The following ZDHHC20 variants were observed in gnomAD, a reference collection of about 807,000 sequenced individuals.
ZDHHC20 encodes the protein zDHHC palmitoyltransferase 20, also known as palmitoyltransferase ZDHHC20.
ZDHHC20 carries 43 observed loss-of-function variants against 57.8 expected under a neutral mutation model. The observed-to-expected ratio is 0.74, with a 90% CI of 0.58 to 0.96. The LOEUF (loss-of-function observed/expected upper bound fraction) is 0.96, where lower values mean the gene tolerates loss of function less well. Among genes scored for constraint, ZDHHC20 ranks in the 40% least tolerant of loss-of-function variants. The pLI is 0.00. For missense variants in ZDHHC20, 391 were observed against 441.1 expected, an observed-to-expected ratio of 0.89 and a Z score of 1.02; for synonymous variants, 157 against 153.0, an observed-to-expected ratio of 1.03 and a Z score of -0.19.
intron 1 of ZDHHC20, among the ~76,000 whole-genome samples, chr13:21,439,167 G>A (rs77667907): frequency 0.023 from 3,555 of 152,222 alleles, 64 homozygotes; most frequent in Middle Eastern, 0.037. Flanking sequence ...ATCTAATCAT[G>A]AGGAAAGATC....
At chr13:21,403,886 C>T (rs1350942775) in intron 4 of ZDHHC20, among the ~76,000 whole-genome samples, 2 of 152,068 alleles carry the variant, frequency 1.3e-5, no homozygotes, top group African/African-American at 4.8e-5. Context: ...CAGGGTTTCA[C>T]CATATTGGTC....
intron 1 of ZDHHC20, among the ~76,000 whole-genome samples, chr13:21,442,041 TTAGG>T (rs1883228255): frequency 6.6e-6 from 1 of 152,254 alleles, no homozygotes; most frequent in Non-Finnish European, 1.5e-5. Flanking sequence ...TTTGTTTACG[TTAGG>T]TATCATAAAT....
intron 1 of ZDHHC20, among the ~76,000 whole-genome samples, chr13:21,458,460 A>G (rs920702698): frequency 6.6e-6 from 1 of 152,158 alleles, no homozygotes; most frequent in African/African-American, 2.4e-5. Flanking sequence ...GTAGAAATAA[A>G]CGAATTTTAC....
At chr13:21,440,282 T>C (rs1269789177) in intron 1 of ZDHHC20, among the ~76,000 whole-genome samples, 2 of 151,954 alleles carry the variant, frequency 1.3e-5, no homozygotes, top group Non-Finnish European at 2.9e-5. Flanking sequence ...GTACTGTTTT[T>C]CAAAAGTCAA....
intron 4 of ZDHHC20, among the ~76,000 whole-genome samples, chr13:21,405,903 C>T (rs1878371554): frequency 6.6e-6 from 1 of 152,122 alleles, no homozygotes; most frequent in South Asian, 2.1e-4. Context: ...CTTGGGTGCA[C>T]CAGCAGGATC....
Position 21,374,507 on chromosome 13 carries a change from T to C in ZDHHC20, c.*2189A>G. Reference sequence around the variant, plus strand: ...GCCTTGGCCTCCCAAAGTGCTGGGATTACAGGCATGAGCCACCACACCCAG... The same window carrying C: ...GCCTTGGCCTCCCAAAGTGCTGGGACTACAGGCATGAGCCACCACACCCAG... On this transcript the variant is annotated 3_prime_UTR_variant, in exon 13 of 13. Coordinates refer to ENST00000400590, the MANE Select transcript of ZDHHC20 (RefSeq NM_001330059.2). 2.2e-6 allele frequency: 1 copy of C among 447,954 alleles called. No individual in the cohort carries two copies. The highest frequency in any genetic ancestry group is 4.5e-6 in the Non-Finnish European group (1 of 222,338). The allele number at this position is 447,954 out of a possible 1,614,324, so 27.7% of individuals were successfully genotyped here.
intron 3 of ZDHHC20, among the ~76,000 whole-genome samples, chr13:21,417,730 C>T (rs1048477226): frequency 1.4e-4 from 22 of 152,278 alleles, no homozygotes; most frequent in Middle Eastern, 3.4e-3. Context: ...TGAGCCACCA[C>T]GTCTGGCCCT....
chr13:21,400,503 TAAAG>T lies in ZDHHC20; in HGVS notation c.474-14_474-11del, dbSNP rs952692473. The T allele has an allele frequency of 4.6e-6, 7 of 1,531,874 alleles. No homozygotes were observed. The highest frequency in any genetic ancestry group is 2.8e-5 in the African/African-American group (2 of 71,486). 94.9% of individuals were successfully genotyped at this position (1,531,874 alleles called of 1,614,324 possible). The stretch of plus-strand genomic sequence containing the variant: ...CACACAGTTATTCACCCTGGAAAAA[TAAAG>T]AAAGCCACATTATAAAAGTAAGACA... On this transcript the variant is annotated splice_polypyrimidine_tract_variant and intron_variant, in intron 6 of 12. Coordinates refer to ENST00000400590, the MANE Select transcript of ZDHHC20 (RefSeq NM_001330059.2).
intron 7 of ZDHHC20, among the ~76,000 whole-genome samples, chr13:21,393,325 A>T (rs1293698434): frequency 6.6e-6 from 1 of 151,820 alleles, no homozygotes; most frequent in Non-Finnish European, 1.5e-5. Context: ...ACATGGTGAA[A>T]CCCTGTCTCT....
intron 11 of ZDHHC20, among the ~76,000 whole-genome samples, chr13:21,379,551 G>A (rs1220087307): frequency 6.6e-6 from 1 of 152,010 alleles, no homozygotes; most frequent in East Asian, 1.9e-4. Context: ...GGAAGTGCTG[G>A]GATTACAGGT....
chr13:21,380,753 C>T (rs550405570), intron 11 of ZDHHC20, among the ~76,000 whole-genome samples: 143 of 150,778 alleles, frequency 9.5e-4, no homozygotes, highest in African/African-American at 3.3e-3. Flanking sequence ...GATCGTGCCA[C>T]TGCACTCTAG....
At chr13:21,427,705 T>A (rs1232966303) in intron 1 of ZDHHC20, among the ~76,000 whole-genome samples, 1 of 151,876 alleles carries the variant, frequency 6.6e-6, no homozygotes, top group East Asian at 1.9e-4. Context: ...CATGGTGGCA[T>A]GCACCTATAG....
chr13:21,385,114 C>T (rs1445686675), intron 9 of ZDHHC20, among the ~76,000 whole-genome samples: 1 of 151,992 alleles, frequency 6.6e-6, no homozygotes, highest in South Asian at 2.1e-4. Flanking sequence ...AAAAACCAAA[C>T]CAAACTTCCA....
At chr13:21,385,055 A>G (rs917524580) in intron 9 of ZDHHC20, among the ~76,000 whole-genome samples, 4 of 152,192 alleles carry the variant, frequency 2.6e-5, no homozygotes, top group Admixed American at 2.6e-4. Flanking sequence ...TGTACCTGTG[A>G]ATTAAAAGGA....
intron 7 of ZDHHC20, among the ~76,000 whole-genome samples, chr13:21,399,074 G>A (rs2137781793): frequency 6.6e-6 from 1 of 152,298 alleles, no homozygotes; most frequent in East Asian, 1.9e-4. Flanking sequence ...CAGGTGCAGT[G>A]GCTCACACTT....
chr13:21,420,365 AC>A (rs1473073494), intron 3 of ZDHHC20, among the ~76,000 whole-genome samples: 2 of 152,212 alleles, frequency 1.3e-5, no homozygotes, highest in Admixed American at 6.5e-5. Context: ...TCCTACAGAG[AC>A]AGGCACAATT....
chr13:21,405,966 C>T (rs117030620), intron 4 of ZDHHC20, among the ~76,000 whole-genome samples: 241 of 152,224 alleles, frequency 1.6e-3, no homozygotes, highest in South Asian at 7.3e-3. Flanking sequence ...ACATTTGAAA[C>T]GGACTCTGTG....
intron 2 of ZDHHC20, among the ~76,000 whole-genome samples, chr13:21,424,301 C>T (rs1027691881): frequency 7.2e-5 from 11 of 152,080 alleles, no homozygotes; most frequent in Non-Finnish European, 1.6e-4. Flanking sequence ...AAAATTAAAT[C>T]AAAGTTGAAA....
At chr13:21,429,677 A>G (rs1317050132) in intron 1 of ZDHHC20, among the ~76,000 whole-genome samples, 1 of 152,198 alleles carries the variant, frequency 6.6e-6, no homozygotes, top group Non-Finnish European at 1.5e-5. Context: ...TTCTTTGAAT[A>G]CCTTTTCAAC....
Sources: allele counts gnomAD v4.1 joint callset (sites outside exome capture counted in the v4.1 genomes callset), GRCh38; gene constraint gnomAD v4.1.1; transcripts MANE v1.5; gene names NCBI Gene and HGNC (gene_info 2026-07-23, HGNC 2026-07-21).